TSPEAR: variants seen among roughly 807,000 people sequenced by gnomAD.
The protein encoded by TSPEAR is thrombospondin-type laminin G domain and EAR repeat-containing protein.
In TSPEAR, 69 loss-of-function variants were observed where a neutral mutation model predicts 71.6. The observed-to-expected ratio is 0.96, with a 90% confidence interval of 0.79 to 1.18. The LOEUF (loss-of-function observed/expected upper bound fraction) is 1.18, where lower values mean the gene tolerates loss of function less well. TSPEAR is among the 50% of genes most tolerant of loss of function. The probability of loss-of-function intolerance (pLI) is 0.00; values close to 1 mark genes in which losing one functional copy is unlikely to be tolerated. For synonymous variants in TSPEAR, 402 were observed against 387.2 expected, an observed-to-expected ratio of 1.04 and a Z score of -0.45; for missense variants, 971 against 894.9, an observed-to-expected ratio of 1.09 and a Z score of -1.09.
intron 2 of TSPEAR, among the ~76,000 whole-genome samples, chr21:44,545,284 C>T (rs1555917641): frequency 6.6e-6 from 1 of 151,470 alleles, no homozygotes; most frequent in Non-Finnish European, 1.5e-5. Flanking sequence ...TGCCACTGCA[C>T]TCCAGCCTGG....
intron 1 of TSPEAR, among the ~76,000 whole-genome samples, chr21:44,652,285 A>G (rs1656077091): frequency 6.6e-6 from 1 of 152,166 alleles, no homozygotes. Context: ...ACCGGGCCCC[A>G]TTCTCTAAAA....
chr21:44,537,273 A>G (rs928062681), intron 2 of TSPEAR, among the ~76,000 whole-genome samples: 2 of 152,062 alleles, frequency 1.3e-5, no homozygotes, highest in Non-Finnish European at 2.9e-5. Context: ...TTAAAAGCTC[A>G]ATGCAATCCC....
chr21:44,558,236 G>A (rs1216395515), intron 2 of TSPEAR: 3 of 1,613,200 alleles, frequency 1.9e-6, no homozygotes, highest in East Asian at 4.5e-5. Flanking sequence ...GGCGGCAGAG[G>A]AGGGACACGG....
rs1251758245 is a variant in TSPEAR at position 44,637,340 on chromosome 21, G to A, written c.83-69335C>T. On this transcript the variant is annotated intron_variant, in intron 1 of 11. Coordinates refer to ENST00000323084, the MANE Select transcript of TSPEAR (RefSeq NM_144991.3). ...TGGGCATATAAAAGCCCCAGCAGCT[G>A]ACAGGCTCACACACACACTCACTCA... is the stretch of plus-strand genomic sequence containing the variant. 98 of 1,460,712 alleles carry A rather than the reference G, an allele frequency of 6.7e-5. 2 individuals are homozygous for A. Among genetic ancestry groups the A allele is most frequent in the African/African-American group, 3.8e-4 (27 of 71,160 alleles). The allele number at this position is 1,460,712 out of a possible 1,614,324, so 90.5% of individuals were successfully genotyped here.
At chr21:44,554,902 G>A (rs781961330) in intron 2 of TSPEAR, among the ~76,000 whole-genome samples, 1 of 152,146 alleles carries the variant, frequency 6.6e-6, no homozygotes, top group Non-Finnish European at 1.5e-5. Flanking sequence ...GTGGAACCGT[G>A]GGCTGATGTT....
chr21:44,609,226 C>T (rs1555930395), intron 1 of TSPEAR, among the ~76,000 whole-genome samples: 1 of 152,192 alleles, frequency 6.6e-6, no homozygotes, highest in African/African-American at 2.4e-5. Flanking sequence ...TCATTTAGGA[C>T]TCTGGTAATG....
chr21:44,663,981 A>C (rs1416091325), intron 1 of TSPEAR, among the ~76,000 whole-genome samples: 4 of 152,178 alleles, frequency 2.6e-5, no homozygotes, highest in African/African-American at 9.6e-5. Flanking sequence ...GCATCTATGA[A>C]AAACCTATAG....
chr21:44,682,438 G>T (rs1569257074), intron 1 of TSPEAR, among the ~76,000 whole-genome samples: 1 of 152,170 alleles, frequency 6.6e-6, no homozygotes, highest in African/African-American at 2.4e-5. Flanking sequence ...GCCTCCCTTC[G>T]TTAGTTCTAC....
chr21:44,666,747 G>A (rs199775663), intron 1 of TSPEAR: 59 of 1,614,158 alleles, frequency 3.7e-5, no homozygotes, highest in African/African-American at 1.3e-5. Flanking sequence ...GAAGCTCACG[G>A]GCACACACAC....
intron 1 of TSPEAR, among the ~76,000 whole-genome samples, chr21:44,639,113 C>T (rs587721401): frequency 1.3e-5 from 2 of 152,328 alleles, no homozygotes; most frequent in Non-Finnish European, 2.9e-5. Context: ...CCCCCCTGCC[C>T]CATGCGGCCT....
rs2051963354 is a variant in TSPEAR at position 44,498,017 on chromosome 21, G to A, written c.*1766C>T. ...GGAAAAGCCGGCTGGAGGGGGCAGAGGGAGGAGGGTGTGGTCACATGACTG... is the reference window on the plus strand; with the variant it reads ...GGAAAAGCCGGCTGGAGGGGGCAGAAGGAGGAGGGTGTGGTCACATGACTG... On this transcript the variant is annotated 3_prime_UTR_variant, in exon 12 of 12. Transcript: ENST00000323084. The A allele has an allele frequency of 6.6e-6, 1 of 152,356 alleles. No homozygotes were observed. Among genetic ancestry groups the A allele is most frequent in the South Asian group, 2.1e-4 (1 of 4,828 alleles). 9.4% of individuals were successfully genotyped at this position (152,356 alleles called of 1,614,324 possible). A position where few individuals can be genotyped will look rare whatever the true frequency, so the allele number is the denominator to read the frequency against.
At chr21:44,686,972 C>T (rs782731233) in intron 1 of TSPEAR, among the ~76,000 whole-genome samples, 7 of 152,166 alleles carry the variant, frequency 4.6e-5, no homozygotes, top group South Asian at 2.1e-4. Flanking sequence ...GTCGGGAAGA[C>T]GCTCTGGGAA....
chr21:44,513,523 C>T (rs1038128437), intron 9 of TSPEAR, among the ~76,000 whole-genome samples: 6 of 152,228 alleles, frequency 3.9e-5, no homozygotes, highest in Non-Finnish European at 5.9e-5. Context: ...GCCCTCCCTC[C>T]AATGGAATTC....
chr21:44,654,602 T>C (rs1466425170), intron 1 of TSPEAR: 1 of 1,572,150 alleles, frequency 6.4e-7, no homozygotes, highest in African/African-American at 1.3e-5. Context: ...GAAGAGTGGC[T>C]GGTGTGGCAC....
chr21:44,632,389 A>G (rs749596286), intron 1 of TSPEAR, among the ~76,000 whole-genome samples: 16 of 152,372 alleles, frequency 1.1e-4, no homozygotes, highest in East Asian at 3.8e-4. Flanking sequence ...TCTGTGTCCA[A>G]TGAAATGATT....
Position 44,578,298 on chromosome 21 carries a change from G to A in TSPEAR, c.83-10293C>T, listed in dbSNP as rs144183273. ...ACATTCAACAGCTTAGATGAAATAGGCAAATGACTGGAAATGCATCATTTA... is the reference window on the plus strand; with the variant it reads ...ACATTCAACAGCTTAGATGAAATAGACAAATGACTGGAAATGCATCATTTA... On this transcript the variant is annotated intron_variant, in intron 1 of 11. Transcript: ENST00000323084. Among the ~76,000 whole-genome samples, 478 of 152,188 alleles carry A rather than the reference G, an allele frequency of 3.1e-3. 2 individuals carry two copies. Among genetic ancestry groups the A allele is most frequent in the Middle Eastern group, 0.024 (7 of 294 alleles).
intron 1 of TSPEAR, among the ~76,000 whole-genome samples, chr21:44,640,700 G>A (rs1406901028): frequency 3.3e-5 from 5 of 152,212 alleles, no homozygotes; most frequent in African/African-American, 1.2e-4. Context: ...GGTCAGTAAG[G>A]ATTTTCTGGG....
chr21:44,568,514 C>T lies in TSPEAR; in HGVS notation c.83-509G>A, dbSNP rs73907027. Among the ~76,000 whole-genome samples the T allele has an allele frequency of 5.0e-3, 765 of 152,314 alleles. 8 individuals are homozygous for T. Among genetic ancestry groups the T allele is most frequent in the African/African-American group, 0.018 (736 of 41,578 alleles). Reference sequence around the variant, plus strand: ...AGCTGGCAGTGCCTGCCCCTCGTCCCCCTCTGGGCGTGCCAGGGGAGTGGA... The same window carrying T: ...AGCTGGCAGTGCCTGCCCCTCGTCCTCCTCTGGGCGTGCCAGGGGAGTGGA... On this transcript the variant is annotated intron_variant, in intron 1 of 11. Transcript: ENST00000323084.
At chr21:44,609,041 G>C (rs1031165220) in intron 1 of TSPEAR, among the ~76,000 whole-genome samples, 2 of 152,244 alleles carry the variant, frequency 1.3e-5, no homozygotes, top group Non-Finnish European at 2.9e-5. Flanking sequence ...CAAAAAAAGA[G>C]TGAAGTACTG....
Sources: gnomAD v4.1 joint callset for allele counts (sites outside exome capture counted in the v4.1 genomes callset) on GRCh38, gnomAD v4.1.1 for gene constraint, MANE v1.5 for transcripts, NCBI Gene and HGNC (gene_info 2026-07-23, HGNC 2026-07-21) for gene names.